The following SEMA5A variants were observed in gnomAD, a reference collection of about 807,000 sequenced individuals.
SEMA5A encodes the protein semaphorin 5A.
Under a neutral mutation model 135.5 loss-of-function variants are expected in SEMA5A, and 55 were observed. That is an observed-to-expected ratio of 0.41 (90% confidence interval 0.33 to 0.51). SEMA5A has a LOEUF of 0.51. Ranked by LOEUF, SEMA5A falls within the 20% of genes least tolerant of loss-of-function variation. SEMA5A has a pLI of 0.37. For synonymous variants in SEMA5A, 580 were observed against 546.5 expected, an observed-to-expected ratio of 1.06 and a Z score of -0.85; for missense variants, 1,290 against 1,419.9, an observed-to-expected ratio of 0.91 and a Z score of 1.47.
chr5:9,334,876 T>A (rs1213639874), intron 4 of SEMA5A, among the ~76,000 whole-genome samples: 1 of 152,202 alleles, frequency 6.6e-6, no homozygotes, highest in Non-Finnish European at 1.5e-5. Context: ...AGTCTGGCAA[T>A]CCTATGTATT....
At chr5:9,155,141 C>T (rs763729211) in intron 11 of SEMA5A, among the ~76,000 whole-genome samples, 4 of 152,154 alleles carry the variant, frequency 2.6e-5, no homozygotes, top group South Asian at 2.1e-4. Context: ...ATATCCAGTA[C>T]GACTGTGATG....
At chr5:9,398,433 C>T (rs1280619845) in intron 2 of SEMA5A, among the ~76,000 whole-genome samples, 1 of 152,200 alleles carries the variant, frequency 6.6e-6, no homozygotes, top group African/African-American at 2.4e-5. Flanking sequence ...CCTTCAAAAG[C>T]GTAGCTTATT....
At chr5:9,541,826 G>A (rs941293946) in intron 1 of SEMA5A, among the ~76,000 whole-genome samples, 3 of 152,080 alleles carry the variant, frequency 2.0e-5, no homozygotes, top group Admixed American at 6.5e-5. Context: ...AAGTTGCCTG[G>A]CTTCAAAATA....
At chr5:9,285,885 C>A (rs1228317098) in intron 5 of SEMA5A, among the ~76,000 whole-genome samples, 1 of 152,114 alleles carries the variant, frequency 6.6e-6, no homozygotes, top group Non-Finnish European at 1.5e-5. Context: ...TCAAAATACG[C>A]AGAAAAATAG....
At chr5:9,210,574 C>T (rs997689734) in intron 8 of SEMA5A, among the ~76,000 whole-genome samples, 16 of 152,118 alleles carry the variant, frequency 1.1e-4, no homozygotes, top group African/African-American at 3.6e-4. Flanking sequence ...GAGATGGAGG[C>T]CATTTGTAAC....
At chr5:9,349,686 G>A (rs1015862563) in intron 3 of SEMA5A, among the ~76,000 whole-genome samples, 16 of 152,098 alleles carry the variant, frequency 1.1e-4, no homozygotes, top group Non-Finnish European at 1.5e-4. Flanking sequence ...GTTCACTTGA[G>A]GTCAGGAGAT....
chr5:9,384,595 G>GATAC lies in SEMA5A; in HGVS notation c.-77-4573_-77-4572insGTAT, dbSNP rs1402757713. Among the ~76,000 whole-genome samples the GATAC allele has an allele frequency of 2.3e-4, 23 of 100,784 alleles. 4 individuals are homozygous for GATAC. Among genetic ancestry groups the GATAC allele is most frequent in the Admixed American group, 1.5e-3 (14 of 9,148 alleles). The allele number at this position is 100,784 out of a possible 152,430, so 66.1% of individuals were successfully genotyped here. Reference sequence around the variant, plus strand: ...ACATAGATAGATAGATAGATAGATAGATAGATAGATAGATAGATAGATACA... The same window carrying GATAC: ...ACATAGATAGATAGATAGATAGATAGATACATAGATAGATAGATAGATAGATACA... On this transcript the variant is annotated intron_variant, in intron 2 of 22. Coordinates refer to ENST00000382496, the MANE Select transcript of SEMA5A (RefSeq NM_003966.3).
intron 4 of SEMA5A, among the ~76,000 whole-genome samples, chr5:9,329,950 T>C (rs975445650): frequency 1.3e-5 from 2 of 152,214 alleles, no homozygotes; most frequent in African/African-American, 4.8e-5. Context: ...TTATGCCATA[T>C]TGTTTTTATT....
rs139653863 is a variant in SEMA5A, at chr5:9,132,132, C to T, written c.1599+4372G>A. On this transcript the variant is annotated intron_variant, in intron 13 of 22. Coordinates refer to ENST00000382496, the MANE Select transcript of SEMA5A (RefSeq NM_003966.3). ...AATCAATATGTGAGTAAACTATTGC[C>T]CTGTCATCTGTACTATAGAAACCCA... 2.5e-3 allele frequency among the ~76,000 whole-genome samples: 377 copies of T among 152,162 alleles called. 1 individual carries two copies. The highest frequency in any genetic ancestry group is 8.7e-3 in the African/African-American group (362 of 41,496).
chr5:9,110,211 G>A (rs991476111), intron 15 of SEMA5A, among the ~76,000 whole-genome samples: 7 of 152,196 alleles, frequency 4.6e-5, no homozygotes, highest in African/African-American at 1.4e-4. Flanking sequence ...AACTTTATGA[G>A]AAATCAGGAA....
At chr5:9,534,128 C>T (rs947316329) in intron 1 of SEMA5A, among the ~76,000 whole-genome samples, 1 of 152,334 alleles carries the variant, frequency 6.6e-6, no homozygotes, top group Non-Finnish European at 1.5e-5. Flanking sequence ...GTAGCCAACT[C>T]TGTCTCACTT....
chr5:9,160,286 A>G (rs1560974707), intron 11 of SEMA5A, among the ~76,000 whole-genome samples: 1 of 152,158 alleles, frequency 6.6e-6, no homozygotes, highest in Non-Finnish European at 1.5e-5. Flanking sequence ...TCAGAAGGCA[A>G]TATGTTCTTC....
chr5:9,186,328 C>T (rs934995312), intron 11 of SEMA5A, among the ~76,000 whole-genome samples: 1 of 152,126 alleles, frequency 6.6e-6, no homozygotes, highest in Non-Finnish European at 1.5e-5. Flanking sequence ...ATGAACTACA[C>T]CAGCAAGAGA....
intron 16 of SEMA5A, among the ~76,000 whole-genome samples, chr5:9,099,193 G>A (rs546768263): frequency 4.1e-4 from 62 of 151,996 alleles, no homozygotes; most frequent in East Asian, 3.3e-3. Context: ...GCTTGATTGC[G>A]AAACTTTCAG....
chr5:9,096,265 T>C (rs10044747), intron 16 of SEMA5A, among the ~76,000 whole-genome samples: 5,003 of 152,236 alleles, frequency 0.033, 236 homozygotes, highest in African/African-American at 0.099. Flanking sequence ...ATAGTCCTAA[T>C]GTTATACGTT....
At chr5:9,518,457 C>G (rs1176544113) in intron 1 of SEMA5A, among the ~76,000 whole-genome samples, 1 of 152,170 alleles carries the variant, frequency 6.6e-6, no homozygotes, top group African/African-American at 2.4e-5. Context: ...AATGAATGAT[C>G]TCAAAATTTC....
chr5:9,240,813 G>A (rs1326567063), intron 5 of SEMA5A, among the ~76,000 whole-genome samples: 2 of 151,946 alleles, frequency 1.3e-5, no homozygotes, highest in Non-Finnish European at 2.9e-5. Context: ...CTACTGATTT[G>A]AGAAGCCACG....
At chr5:9,531,434 T>C (rs999777992) in intron 1 of SEMA5A, among the ~76,000 whole-genome samples, 1 of 152,126 alleles carries the variant, frequency 6.6e-6, no homozygotes, top group Non-Finnish European at 1.5e-5. Flanking sequence ...GTACCAACAG[T>C]GTATCTGTGC....
intron 18 of SEMA5A, among the ~76,000 whole-genome samples, chr5:9,061,295 A>T (rs1579321877): frequency 6.6e-6 from 1 of 152,282 alleles, no homozygotes; most frequent in East Asian, 1.9e-4. Flanking sequence ...AATGACATGA[A>T]TGAAGAAAGA....
Sources: allele counts gnomAD v4.1 joint callset (sites outside exome capture counted in the v4.1 genomes callset), GRCh38; gene constraint gnomAD v4.1.1; transcripts MANE v1.5; gene names NCBI Gene and HGNC (gene_info 2026-07-23, HGNC 2026-07-21).